Variants in TOR1AIP1 observed in about 807,000 individuals in gnomAD.
The protein encoded by TOR1AIP1 is torsin-1A-interacting protein 1.
TOR1AIP1 carries 54 observed loss-of-function variants against 63.3 expected under a neutral mutation model. The observed-to-expected ratio is 0.85, with a 90% CI of 0.69 to 1.07. The LOEUF is 1.07. Ranked by LOEUF, TOR1AIP1 falls within the 50% of genes least tolerant of loss-of-function variation. The probability of loss-of-function intolerance (pLI) is 0.00; values close to 1 mark genes in which losing one functional copy is unlikely to be tolerated. For synonymous variants in TOR1AIP1, 294 were observed against 273.5 expected (o/e 1.07, Z -0.74); for missense variants, 736 against 715.0 (o/e 1.03, Z -0.33).
At chr1:179,904,814 A>C (rs1220768200) in intron 6 of TOR1AIP1, 1 of 152,114 alleles carries the variant, frequency 6.6e-6, no homozygotes, top group Non-Finnish European at 1.5e-5. Flanking sequence ...TTGTAGAGAC[A>C]GAGTCTCACT....
chr1:179,914,929 A>ACC (rs1168874972), intron 9 of TOR1AIP1, among the ~76,000 whole-genome samples: 1 of 152,202 alleles, frequency 6.6e-6, no homozygotes, highest in African/African-American at 2.4e-5. Flanking sequence ...ATCCATATGT[A>ACC]CCAGGAAATT....
chr1:179,907,003 C>G (rs1648658653), intron 6 of TOR1AIP1, among the ~76,000 whole-genome samples: 1 of 151,656 alleles, frequency 6.6e-6, no homozygotes, highest in Admixed American at 6.6e-5. Context: ...TCCCAAAGTG[C>G]TAGGATTACA....
chr1:179,900,985 C>T (rs1648437549), intron 4 of TOR1AIP1, among the ~76,000 whole-genome samples: 1 of 152,106 alleles, frequency 6.6e-6, no homozygotes, highest in Non-Finnish European at 1.5e-5. Context: ...GTTTTCCTCC[C>T]CATAAACTTT....
intron 3 of TOR1AIP1, among the ~76,000 whole-genome samples, chr1:179,895,825 G>A (rs1190771738): frequency 2.0e-5 from 3 of 151,466 alleles, no homozygotes; most frequent in South Asian, 2.1e-4. Flanking sequence ...ACTTGAACCC[G>A]GGAGAATCAC....
intron 3 of TOR1AIP1, among the ~76,000 whole-genome samples, chr1:179,894,463 G>A (rs12090838): frequency 3.7e-4 from 57 of 152,068 alleles, no homozygotes; most frequent in African/African-American, 1.4e-3. Flanking sequence ...GAGGTGGACG[G>A]ATCACCTGAG....
At chr1:179,909,398 G>C (rs1199518471) in intron 8 of TOR1AIP1, among the ~76,000 whole-genome samples, 1 of 115,006 alleles carries the variant, frequency 8.7e-6, no homozygotes, top group Admixed American at 8.0e-5. Context: ...GTTTTGTTTT[G>C]TTTTGTTTTG....
chr1:179,917,880 C>CT lies in TOR1AIP1; in HGVS notation c.1394dup (p.Ser466GlufsTer5). ...TGTCAAACTAGAGGTAGACCAAGAA[C>CT]TGAGCAATGGATTTAAGAATGGCCA... On this transcript the variant is annotated frameshift_variant, in exon 10 of 10. Coordinates refer to ENST00000606911, the MANE Select transcript of TOR1AIP1 (RefSeq NM_015602.4). LOFTEE classifies it high-confidence loss of function. The CT allele has an allele frequency of 6.2e-7, 1 of 1,614,208 alleles. No individual in the cohort carries two copies. The highest frequency in any genetic ancestry group is 8.5e-7 in the Non-Finnish European group (1 of 1,180,040).
chr1:179,914,134 GC>G, intron 9 of TOR1AIP1, 80 bp downstream of exon 9: 1 of 1,224,548 alleles, frequency 8.2e-7, no homozygotes, highest in East Asian at 2.5e-5. Context: ...TTTTTTGACA[GC>G]AGTATGACTC....
rs147054102 is a variant in TOR1AIP1, at chr1:179,891,519, G to A, written c.610+2150G>A. Among the ~76,000 whole-genome samples, 1,466 of 151,908 alleles carry A rather than the reference G, an allele frequency of 9.7e-3. 24 individuals are homozygous for A. The highest frequency in any genetic ancestry group is 0.032 in the African/African-American group (1,323 of 41,422). ...ATTACAGGCATGAGCCACCACGCCCGGCCTTTCTCCTTGATTTTTATTTTT... is the reference window on the plus strand; with the variant it reads ...ATTACAGGCATGAGCCACCACGCCCAGCCTTTCTCCTTGATTTTTATTTTT... On this transcript the variant is annotated intron_variant, in intron 3 of 9. Transcript: ENST00000606911.
In TOR1AIP1 at chr1:179,882,823, G is replaced by T; in HGVS notation, c.321G>T (p.Arg107=). The T allele has an allele frequency of 6.2e-7, 1 of 1,614,206 alleles. No individual in the cohort carries two copies. The highest frequency in any genetic ancestry group is 1.3e-5 in the African/African-American group (1 of 75,052). ...EEVRESAYYL[R]SRQRRQPRPQ... is the part of the protein sequence containing the mutation. ...TGAGAGAAAGCGCGTACTACCTTCG[G>T]TCTAGGCAGCGGAGGCAGCCGCGAC... The change falls in exon 1 of 10, where the codon CGG becomes CGT. Residue 107 remains arginine, a synonymous_variant. Transcript: ENST00000606911.
chr1:179,908,215 A>G (rs904763242), intron 7 of TOR1AIP1, among the ~76,000 whole-genome samples: 3 of 151,948 alleles, frequency 2.0e-5, no homozygotes, highest in African/African-American at 7.2e-5. Flanking sequence ...GCCTCAGTCA[A>G]TCAATTCTAA....
At position 179,917,836 on chromosome 1, in the gene TOR1AIP1, C is replaced by T. The variant is rs370060674; in HGVS notation, c.1349C>T (p.Ala450Val). 11 of 1,614,042 alleles carry T rather than the reference C, an allele frequency of 6.8e-6. No homozygotes were observed. In the African/African-American group the frequency reaches 1.5e-4, roughly 22 times the overall value. Residue 450 changes from alanine to valine, a missense_variant, in exon 10 of 10, where the codon GCT (alanine) becomes GTT (valine). By Grantham distance (64) the Ala-to-Val change is moderately conservative. Coordinates refer to ENST00000606911, the MANE Select transcript of TOR1AIP1 (RefSeq NM_015602.4). ...ATCCGGATTGATGGGACAGATAAAG[C>T]TACTCAAGACAGTGATACTGTCAAA... ...RAIRIDGTDK[A>V]TQDSDTVKLE...
At chr1:179,883,885 G>C (rs1204908386) in intron 1 of TOR1AIP1, 1 of 303,996 alleles carries the variant, frequency 3.3e-6, no homozygotes, top group Non-Finnish European at 6.5e-6. Context: ...TTAATCCCAT[G>C]TAAGGCACCT....
At chr1:179,906,898 T>G (rs1648654241) in intron 6 of TOR1AIP1, among the ~76,000 whole-genome samples, 1 of 151,580 alleles carries the variant, frequency 6.6e-6, no homozygotes, top group South Asian at 2.1e-4. Context: ...CCACCACGCC[T>G]GGCTAATTTT....
chr1:179,909,073 A>G (rs1485582100), intron 8 of TOR1AIP1, among the ~76,000 whole-genome samples: 1 of 151,846 alleles, frequency 6.6e-6, no homozygotes, highest in African/African-American at 2.4e-5. Context: ...AAGCAGGAGA[A>G]TGGTGTGAAC....
chr1:179,886,467 T>C (rs1305095621), intron 2 of TOR1AIP1, among the ~76,000 whole-genome samples: 1 of 152,202 alleles, frequency 6.6e-6, no homozygotes, highest in African/African-American at 2.4e-5. Context: ...GGCCTTTACC[T>C]GTGTTATTTG....
chr1:179,917,633 A>C lies in TOR1AIP1; in HGVS notation c.1146A>C (p.Gln382His). 6.2e-7 allele frequency: 1 copy of C among 1,614,224 alleles called. No homozygotes were observed. Among genetic ancestry groups the C allele is most frequent in the East Asian group, 2.2e-5 (1 of 44,890 alleles). ...AACTTAAGAATAAGTACCAAGGTCA[A>C]GATGAGAAGCTGTGGAAAAGGAGCC... is the stretch of plus-strand genomic sequence containing the variant. ...MNQLKNKYQG[Q>H]DEKLWKRSQT... Residue 382 changes from glutamine to histidine, a missense_variant, in exon 10 of 10, where the codon CAA (glutamine) becomes CAC (histidine). This residue lies in a region of TOR1AIP1 where 272 missense variants were observed against 344.1 expected (regional missense o/e 0.79). Transcript: ENST00000606911.
chr1:179,890,555 A>G (rs1648037557), intron 3 of TOR1AIP1, among the ~76,000 whole-genome samples: 1 of 152,224 alleles, frequency 6.6e-6, no homozygotes, highest in African/African-American at 2.4e-5. Flanking sequence ...TTCGACATAC[A>G]AAACAAATAG....
rs546569818 is a variant in TOR1AIP1 at position 179,907,746 on chromosome 1, A to C, written c.797-77A>C. On this transcript the variant is annotated intron_variant, in intron 6 of 9. Transcript: ENST00000606911. ...TTGTTTTTAGTATCCACAGTAAACA[A>C]GCAAAATGTCTGTGCAACATCTTTT... 5 of 1,162,194 alleles carry C rather than the reference A, an allele frequency of 4.3e-6. No individual in the cohort carries two copies. In the South Asian group the frequency reaches 8.0e-5, roughly 19 times the overall value. The allele number at this position is 1,162,194 out of a possible 1,614,324, so 72.0% of individuals were successfully genotyped here.
Sources: gnomAD v4.1 joint callset for allele counts (sites outside exome capture counted in the v4.1 genomes callset) on GRCh38, gnomAD v4.1.1 for gene constraint, gnomAD v4.1.1 regional missense constraint, MANE v1.5 for transcripts, NCBI Gene and HGNC (gene_info 2026-07-23, HGNC 2026-07-21) for gene names.